DLG2: variants seen among roughly 807,000 people sequenced by gnomAD.
The protein encoded by DLG2 is disks large homolog 2.
In DLG2, 45 loss-of-function variants were observed where a neutral mutation model predicts 132.5. That is an observed-to-expected ratio of 0.34 (90% CI 0.27 to 0.44). The LOEUF (loss-of-function observed/expected upper bound fraction) is 0.44. DLG2 is among the 20% of genes least tolerant of loss of function. The pLI, the probability that DLG2 is intolerant of heterozygous loss-of-function variation, is 1.00. For missense variants in DLG2, 1,045 were observed against 1,196.9 expected, an observed-to-expected ratio of 0.87 and a Z score of 1.87; for synonymous variants, 424 against 419.6, an observed-to-expected ratio of 1.01 and a Z score of -0.13.
intron 7 of DLG2, among the ~76,000 whole-genome samples, chr11:84,277,093 G>T (rs557896333): frequency 6.6e-6 from 1 of 152,246 alleles, no homozygotes; most frequent in African/African-American, 2.4e-5. Flanking sequence ...TTGCTGGGAA[G>T]ATCAAGGCAG....
At chr11:84,734,802 G>C (rs979023473) in intron 6 of DLG2, among the ~76,000 whole-genome samples, 3 of 152,120 alleles carry the variant, frequency 2.0e-5, no homozygotes, top group African/African-American at 7.2e-5. Flanking sequence ...ATTATTTTGA[G>C]ATACATCCCA....
intron 7 of DLG2, among the ~76,000 whole-genome samples, chr11:84,306,212 C>T (rs1426777980): frequency 2.0e-5 from 3 of 151,932 alleles, no homozygotes; most frequent in African/African-American, 4.8e-5. Flanking sequence ...TTAATTATTT[C>T]ACAATGTATA....
Position 84,114,869 on chromosome 11 carries a change from C to T in DLG2, c.625-15822G>A, listed in dbSNP as rs138215576. Reference sequence around the variant, plus strand: ...ATTTTTTATAGAGACAGGGTTTTGCCATGTTGCCCAGCCTTGTCTCGAACT... The same window carrying T: ...ATTTTTTATAGAGACAGGGTTTTGCTATGTTGCCCAGCCTTGTCTCGAACT... On this transcript the variant is annotated intron_variant, in intron 9 of 27. Coordinates refer to ENST00000376104, the MANE Select transcript of DLG2 (RefSeq NM_001142699.3). Among the ~76,000 whole-genome samples, 1,078 of 150,196 alleles carry T rather than the reference C, an allele frequency of 7.2e-3. 54 individuals are homozygous for T. The highest frequency in any genetic ancestry group is 0.067 in the Admixed American group (1,005 of 14,958).
intron 15 of DLG2, among the ~76,000 whole-genome samples, chr11:83,928,682 A>T (rs777989750): frequency 2.0e-5 from 3 of 152,106 alleles, no homozygotes; most frequent in Non-Finnish European, 4.4e-5. Context: ...TCACTTACTA[A>T]TGGATGATCT....
intron 2 of DLG2, among the ~76,000 whole-genome samples, chr11:85,609,772 C>T (rs1565757299): frequency 6.6e-6 from 1 of 152,186 alleles, no homozygotes; most frequent in Middle Eastern, 3.2e-3. Context: ...AATTGACTTC[C>T]TCCTGGACAC....
chr11:84,373,329 G>A (rs2098716559), intron 7 of DLG2, among the ~76,000 whole-genome samples: 1 of 144,192 alleles, frequency 6.9e-6, no homozygotes, highest in South Asian at 2.2e-4. Flanking sequence ...CAGCACTTTG[G>A]GAGGCCAAGG....
At chr11:84,534,530 C>G in intron 7 of DLG2, 40 bp downstream of exon 7, 4 of 1,596,938 alleles carry the variant, frequency 2.5e-6, no homozygotes, top group Non-Finnish European at 3.4e-6. Context: ...AGACCAACTA[C>G]TGTCACCAAC....
chr11:84,819,076 TACACACACAC>T (rs111644735), intron 6 of DLG2, among the ~76,000 whole-genome samples: 3 of 129,516 alleles, frequency 2.3e-5, no homozygotes, highest in South Asian at 2.7e-4. Context: ...CACTCACAAA[TACACACACAC>T]ACACACACAC....
intron 3 of DLG2, among the ~76,000 whole-genome samples, chr11:85,472,437 G>A (rs2093014113): frequency 6.6e-6 from 1 of 152,112 alleles, no homozygotes. Context: ...GAGTAGCTGG[G>A]ACTACAGGCA....
intron 14 of DLG2, among the ~76,000 whole-genome samples, chr11:83,939,505 GC>G (rs1161424282): frequency 6.6e-5 from 10 of 152,080 alleles, no homozygotes; most frequent in Non-Finnish European, 1.3e-4. Flanking sequence ...CATTACAAAG[GC>G]CCCCAAAGAG....
intron 17 of DLG2, among the ~76,000 whole-genome samples, chr11:83,813,946 A>C (rs1161180874): frequency 6.6e-6 from 1 of 152,168 alleles, no homozygotes; most frequent in African/African-American, 2.4e-5. Context: ...AAGTTAAATA[A>C]ATTGCCGAAA....
chr11:83,772,564 AAGAAAC>A (rs994138981), intron 18 of DLG2, among the ~76,000 whole-genome samples: 4 of 151,810 alleles, frequency 2.6e-5, no homozygotes, highest in Non-Finnish European at 5.9e-5. Flanking sequence ...AAGAGAAAGA[AAGAAAC>A]AGAGAAAGAA....
intron 3 of DLG2, among the ~76,000 whole-genome samples, chr11:85,365,079 A>G (rs2084437299): frequency 6.6e-6 from 1 of 152,148 alleles, no homozygotes; most frequent in South Asian, 2.1e-4. Context: ...GTTTCCTAAC[A>G]CCATACAGCT....
chr11:85,172,869 C>G (rs1165323911), intron 4 of DLG2, among the ~76,000 whole-genome samples: 4 of 152,056 alleles, frequency 2.6e-5, no homozygotes, highest in Non-Finnish European at 5.9e-5. Context: ...AGGAAAGAAT[C>G]TCAGAGCTTG....
At chr11:83,544,085 A>G (rs1339500084) in intron 19 of DLG2, among the ~76,000 whole-genome samples, 1 of 152,202 alleles carries the variant, frequency 6.6e-6, no homozygotes, top group Non-Finnish European at 1.5e-5. Context: ...TCCCTGGTAG[A>G]TAACATTTCG....
chr11:84,540,205 C>T (rs752049222), intron 6 of DLG2, among the ~76,000 whole-genome samples: 28 of 152,112 alleles, frequency 1.8e-4, no homozygotes, highest in Non-Finnish European at 3.8e-4. Flanking sequence ...TCTAATTAAA[C>T]TAAACAGCTC....
chr11:84,931,684 C>T (rs1342656668), intron 6 of DLG2, among the ~76,000 whole-genome samples: 1 of 152,074 alleles, frequency 6.6e-6, no homozygotes, highest in African/African-American at 2.4e-5. Context: ...GAGGAAATGC[C>T]ACACTGTCTT....
At chr11:83,836,973 G>A (rs112128234) in intron 16 of DLG2, among the ~76,000 whole-genome samples, 1 of 152,152 alleles carries the variant, frequency 6.6e-6, no homozygotes, top group Non-Finnish European at 1.5e-5. Flanking sequence ...CACTAGGTGG[G>A]AGTAGAAGTT....
chr11:84,541,029 C>G (rs191613538), intron 6 of DLG2, among the ~76,000 whole-genome samples: 1 of 151,774 alleles, frequency 6.6e-6, no homozygotes, highest in Non-Finnish European at 1.5e-5. Flanking sequence ...CATCACACAC[C>G]GGGACCTGTC....
Sources: gnomAD v4.1 joint callset for allele counts (sites outside exome capture counted in the v4.1 genomes callset) on GRCh38, gnomAD v4.1.1 for gene constraint, MANE v1.5 for transcripts, NCBI Gene and HGNC (gene_info 2026-07-23, HGNC 2026-07-21) for gene names.